The following PCDHA7 variants were observed in gnomAD, a reference collection of about 807,000 sequenced individuals.
PCDHA7 encodes the protein protocadherin alpha 7.
PCDHA7 carries 37 observed loss-of-function variants against 57.2 expected under a neutral mutation model. The ratio of observed to expected loss-of-function variants is 0.65; its 90% confidence interval spans 0.50 to 0.85. The LOEUF (loss-of-function observed/expected upper bound fraction) is 0.85, where lower values mean the gene tolerates loss of function less well. Ranked by LOEUF, PCDHA7 falls within the 40% of genes least tolerant of loss-of-function variation. The pLI, the probability that PCDHA7 is intolerant of heterozygous loss-of-function variation, is 0.00. For missense variants in PCDHA7, 1,188 were observed against 1,241.8 expected (o/e 0.96, Z 0.65); for synonymous variants, 553 against 558.8 (o/e 0.99, Z 0.15).
intron 1 of PCDHA7, chr5:140,929,119 G>T (rs2085835460): frequency 1.2e-6 from 2 of 1,614,192 alleles, no homozygotes; most frequent in Non-Finnish European, 1.7e-6. Context: ...AGCCACCATA[G>T]ATGTCACTAC....
chr5:140,879,003 G>C (rs781827510), intron 1 of PCDHA7, among the ~76,000 whole-genome samples: 1 of 152,144 alleles, frequency 6.6e-6, no homozygotes, highest in African/African-American at 2.4e-5. Flanking sequence ...GTATGCCCTA[G>C]AAATCAGATA....
rs1773990824 is a variant in PCDHA7, at chr5:140,835,858, A to G, written c.1475A>G (p.Tyr492Cys). ...GCGCAGAAGAACGCGCTGGTGTCCT[A>G]CTCGCTGGTGGAGCTGCGGGTGGGC... ...ADAQKNALVSYSLVELRVGER... is the reference protein window; with the variant it reads ...ADAQKNALVSCSLVELRVGER... Residue 492 changes from tyrosine (Y) to cysteine (C), a missense_variant, in exon 1 of 4, where the codon TAC becomes TGC. Tyr to Cys is a radical substitution (Grantham distance 194). This residue lies in a region of PCDHA7 where 892 missense variants were observed against 788.5 expected (regional missense o/e 1.13). Coordinates refer to ENST00000525929, the MANE Select transcript of PCDHA7 (RefSeq NM_018910.3). 1 of 1,612,030 alleles carries G rather than the reference A, an allele frequency of 6.2e-7. No homozygotes were observed. Among genetic ancestry groups the G allele is most frequent in the South Asian group, 1.1e-5 (1 of 90,992 alleles).
intron 1 of PCDHA7, among the ~76,000 whole-genome samples, chr5:140,938,050 A>G (rs1169641392): frequency 6.6e-6 from 1 of 152,116 alleles, no homozygotes; most frequent in African/African-American, 2.4e-5. Context: ...TGGGTTTTCT[A>G]CATATACTGT....
At chr5:140,873,718 T>C (rs1259445115) in intron 1 of PCDHA7, among the ~76,000 whole-genome samples, 1 of 152,216 alleles carries the variant, frequency 6.6e-6, no homozygotes, top group East Asian at 1.9e-4. Context: ...TGGTGTGCAG[T>C]GGCGCAATCT....
chr5:140,979,081 G>A, intron 2 of PCDHA7, 74 bp downstream of exon 2: 1 of 1,564,866 alleles, frequency 6.4e-7, no homozygotes, highest in South Asian at 1.2e-5. Flanking sequence ...CATCTCCATA[G>A]GCCAGAAGCA....
At chr5:140,970,152 A>G (rs899776182) in intron 1 of PCDHA7, among the ~76,000 whole-genome samples, 22 of 152,224 alleles carry the variant, frequency 1.4e-4, no homozygotes, top group Non-Finnish European at 2.5e-4. Flanking sequence ...AATTCTCCCA[A>G]TAGTCACCTT....
intron 2 of PCDHA7, among the ~76,000 whole-genome samples, chr5:140,981,204 A>G (rs782466772): frequency 2.6e-5 from 4 of 152,218 alleles, no homozygotes; most frequent in Non-Finnish European, 5.9e-5. Context: ...CTGTTGCCTC[A>G]TATAACCCCT....
chr5:140,881,279 G>A, intron 1 of PCDHA7: 2 of 760,202 alleles, frequency 2.6e-6, no homozygotes, highest in South Asian at 6.0e-5. Flanking sequence ...GAAGTAAGAT[G>A]GAGAGAGAAA....
At chr5:140,882,749 G>C (rs1393099675) in intron 1 of PCDHA7, 1 of 1,614,126 alleles carries the variant, frequency 6.2e-7, no homozygotes, top group Non-Finnish European at 8.5e-7. Flanking sequence ...ATCCGATGCA[G>C]ATATTGGAGT....
In PCDHA7 at chr5:140,941,764, A is replaced by G. The variant is rs116374830; in HGVS notation, c.2356-37185A>G. 5.7e-3 allele frequency among the ~76,000 whole-genome samples: 869 copies of G among 152,306 alleles called. 7 individuals are homozygous for G. Among genetic ancestry groups the G allele is most frequent in the African/African-American group, 0.018 (768 of 41,560 alleles). ...TTATCAGATTTTCAGTGCTTTTAAG[A>G]TAATTGTTTTAATGTTTTACCCAAG... On this transcript the variant is annotated intron_variant, in intron 1 of 3. Coordinates refer to ENST00000525929, the MANE Select transcript of PCDHA7 (RefSeq NM_018910.3).
intron 3 of PCDHA7, among the ~76,000 whole-genome samples, chr5:140,995,545 T>C (rs998594175): frequency 1.3e-5 from 2 of 152,206 alleles, no homozygotes; most frequent in Non-Finnish European, 2.9e-5. Flanking sequence ...TAAGGGGCGA[T>C]CACTGTACTG....
At chr5:140,869,561 C>T (rs781968482) in intron 1 of PCDHA7, 28 of 1,614,032 alleles carry the variant, frequency 1.7e-5, no homozygotes, top group Middle Eastern at 1.6e-4. Context: ...TCGCGTTTTC[C>T]ACTAGAGGGA....
intron 1 of PCDHA7, chr5:140,882,281 T>C (rs1554173360): frequency 6.2e-7 from 1 of 1,612,634 alleles, no homozygotes; most frequent in African/African-American, 1.3e-5. Context: ...GCTGTCTTCC[T>C]GGCAAGGAGG....
At chr5:140,940,593 A>G (rs2092648765) in intron 1 of PCDHA7, among the ~76,000 whole-genome samples, 1 of 152,170 alleles carries the variant, frequency 6.6e-6, no homozygotes, top group Non-Finnish European at 1.5e-5. Flanking sequence ...GATTTCAGGC[A>G]TGAGCCGCTG....
chr5:141,006,646 A>G (rs1478861419), intron 3 of PCDHA7, among the ~76,000 whole-genome samples: 1 of 152,206 alleles, frequency 6.6e-6, no homozygotes, highest in African/African-American at 2.4e-5. Flanking sequence ...ATAAGAGATG[A>G]TGGTGTCCTG....
intron 1 of PCDHA7, chr5:140,843,513 G>A (rs1554140161): frequency 6.3e-7 from 1 of 1,595,848 alleles, no homozygotes; most frequent in East Asian, 2.2e-5. Context: ...ACTGAGGGCG[G>A]GTGCCGGGCG....
intron 1 of PCDHA7, chr5:140,841,303 T>C (rs2150313013): frequency 6.4e-7 from 1 of 1,572,476 alleles, no homozygotes; most frequent in South Asian, 1.2e-5. Flanking sequence ...TATTTTCTGA[T>C]AGGAAACGAC....
intron 1 of PCDHA7, chr5:140,850,562 C>T (rs782715661): frequency 6.3e-7 from 1 of 1,598,314 alleles, no homozygotes; most frequent in Non-Finnish European, 8.6e-7. Context: ...CCACGGGCCC[C>T]GAGGTGACGC....
At chr5:140,940,731 G>C (rs1195223562) in intron 1 of PCDHA7, among the ~76,000 whole-genome samples, 1 of 152,280 alleles carries the variant, frequency 6.6e-6, no homozygotes, top group South Asian at 2.1e-4. Context: ...CAGCTGGACA[G>C]CTCCATATTT....
Sources: allele counts gnomAD v4.1 joint callset (sites outside exome capture counted in the v4.1 genomes callset), GRCh38; gene constraint gnomAD v4.1.1; regional missense constraint gnomAD v4.1.1; transcripts MANE v1.5; gene names NCBI Gene and HGNC (gene_info 2026-07-23, HGNC 2026-07-21).